Variants in USP15 observed in about 807,000 individuals in gnomAD.
The protein encoded by USP15 is ubiquitin carboxyl-terminal hydrolase 15.
USP15 carries 18 observed loss-of-function variants against 127.1 expected under a neutral mutation model. That is an observed-to-expected ratio of 0.14 (90% confidence interval 0.10 to 0.21). The LOEUF (loss-of-function observed/expected upper bound fraction) is 0.21, where lower values mean the gene tolerates loss of function less well. Ranked by LOEUF, USP15 falls within the 10% of genes least tolerant of loss-of-function variation. USP15 has a pLI of 1.00. For missense variants in USP15, 805 were observed against 1,159.9 expected, an observed-to-expected ratio of 0.69 and a Z score of 4.44; for synonymous variants, 364 against 393.7, an observed-to-expected ratio of 0.92 and a Z score of 0.89.
At chr12:62,372,478 TAA>T (rs989942374) in intron 8 of USP15, among the ~76,000 whole-genome samples, 1 of 152,144 alleles carries the variant, frequency 6.6e-6, no homozygotes. Context: ...GTTGAACAAT[TAA>T]AGTTTTTTTA....
chr12:62,270,045 C>G (rs1337749445), intron 1 of USP15, among the ~76,000 whole-genome samples: 2 of 151,554 alleles, frequency 1.3e-5, no homozygotes, highest in Admixed American at 1.3e-4. Flanking sequence ...CACTTATGTT[C>G]TTTTTTTTAA....
At position 62,391,375 on chromosome 12, in the gene USP15, A is replaced by G; in HGVS notation, c.2179A>G (p.Ile727Val). ...CTTAGGCAATACTGATATCAACTAC[A>G]TCAAAGATGATACCAGGCATATAAG... Reference protein sequence around the residue: ...NNLGNTDINYIKDDTRHIRFD... With the variant: ...NNLGNTDINYVKDDTRHIRFD... Residue 727 changes from isoleucine (I) to valine (V), a missense_variant, in exon 16 of 22, where the codon ATC (isoleucine) becomes GTC (valine). This residue lies in a region of USP15 where 225 missense variants were observed against 239.5 expected (regional missense o/e 0.94). Transcript: ENST00000280377. 2 of 1,612,966 alleles carry G rather than the reference A, an allele frequency of 1.2e-6. No individual in the cohort carries two copies. The highest frequency in any genetic ancestry group is 2.2e-5 in the East Asian group (1 of 44,784).
At position 62,410,111 on chromosome 12, in the gene USP15, T is replaced by A. The variant is rs1316394683; in HGVS notation, c.*5736T>A. The A allele has an allele frequency of 6.6e-6, 1 of 152,148 alleles. No homozygotes were observed. The highest frequency in any genetic ancestry group is 2.4e-5 in the African/African-American group (1 of 41,460). 9.4% of individuals were successfully genotyped at this position (152,148 alleles called of 1,614,324 possible). A position where few individuals can be genotyped will look rare whatever the true frequency, so the allele number is the denominator to read the frequency against. On this transcript the variant is annotated 3_prime_UTR_variant, in exon 22 of 22. Coordinates refer to ENST00000280377, the MANE Select transcript of USP15 (RefSeq NM_001252078.2). ...CTATTAAATACAGCATTTAATCTTC[T>A]TTCAAGTGAGAACCATCTTTCCATT...
intron 1 of USP15, among the ~76,000 whole-genome samples, chr12:62,286,629 G>A (rs1420944601): frequency 6.6e-6 from 1 of 152,062 alleles, no homozygotes; most frequent in Non-Finnish European, 1.5e-5. Flanking sequence ...CATCATTGAT[G>A]GATTGGATAA....
intron 6 of USP15, among the ~76,000 whole-genome samples, chr12:62,342,689 G>C (rs946077015): frequency 6.6e-6 from 1 of 152,130 alleles, no homozygotes; most frequent in Non-Finnish European, 1.5e-5. Flanking sequence ...TTTGCTGGAG[G>C]TCTACTCCAG....
intron 5 of USP15, among the ~76,000 whole-genome samples, chr12:62,323,780 T>C (rs2065054903): frequency 6.6e-6 from 1 of 152,208 alleles, no homozygotes; most frequent in Non-Finnish European, 1.5e-5. Flanking sequence ...TTTCATCGTG[T>C]ACATTAGAAA....
intron 1 of USP15, among the ~76,000 whole-genome samples, chr12:62,261,537 A>G (rs1025215465): frequency 3.3e-5 from 5 of 152,200 alleles, no homozygotes; most frequent in Admixed American, 6.5e-5. Context: ...GACCTGAGTT[A>G]TGTCACAGTT....
intron 4 of USP15, among the ~76,000 whole-genome samples, chr12:62,320,347 C>T (rs568962229): frequency 2.1e-4 from 32 of 152,258 alleles, no homozygotes; most frequent in East Asian, 7.7e-4. Context: ...TGCTTGCTTC[C>T]CCTTCGCCTT....
chr12:62,311,141 A>T lies in USP15; in HGVS notation c.349-3649A>T, dbSNP rs1048195808. On this transcript the variant is annotated intron_variant, in intron 3 of 21. Coordinates refer to ENST00000280377, the MANE Select transcript of USP15 (RefSeq NM_001252078.2). The stretch of plus-strand genomic sequence containing the variant: ...TAATCCTCTGTTGGATGAATAGCTT[A>T]TAAATATTTTCTACACTTCAACAGG... Among the ~76,000 whole-genome samples the T allele has an allele frequency of 1.4e-4, 21 of 151,932 alleles. No individual in the cohort carries two copies. The Middle Eastern group carries it at 0.02, about 148-fold the overall frequency.
At chr12:62,381,749 G>T in intron 9 of USP15, 86 bp downstream of exon 9, 1 of 1,356,890 alleles carries the variant, frequency 7.4e-7, no homozygotes, top group South Asian at 1.5e-5. Flanking sequence ...AAAAATAGTA[G>T]CTATTACAAT....
chr12:62,357,873 T>G (rs1419244853), intron 8 of USP15, among the ~76,000 whole-genome samples: 1 of 152,058 alleles, frequency 6.6e-6, no homozygotes, highest in Non-Finnish European at 1.5e-5. Flanking sequence ...ACTCCTCTAT[T>G]TCACAAAAAT....
At chr12:62,324,595 T>A (rs74910376) in intron 5 of USP15, among the ~76,000 whole-genome samples, 15 of 152,118 alleles carry the variant, frequency 9.9e-5, no homozygotes, top group Admixed American at 2.6e-4. Flanking sequence ...TGATTACTTG[T>A]CTCTAGTAGG....
intron 1 of USP15, among the ~76,000 whole-genome samples, chr12:62,285,710 A>G (rs963354027): frequency 1.3e-5 from 2 of 152,172 alleles, no homozygotes; most frequent in Non-Finnish European, 2.9e-5. Context: ...GGTTGTTTCC[A>G]TATCTTCACT....
At chr12:62,354,400 A>T (rs1462472368) in intron 7 of USP15, among the ~76,000 whole-genome samples, 1 of 151,904 alleles carries the variant, frequency 6.6e-6, no homozygotes, top group Non-Finnish European at 1.5e-5. Flanking sequence ...GAAAGATCTC[A>T]TTCAGGTTTT....
chr12:62,389,950 T>C lies in USP15; in HGVS notation c.1806T>C (p.Thr602=). 4 of 1,612,062 alleles carry C rather than the reference T, an allele frequency of 2.5e-6. No individual in the cohort carries two copies. The highest frequency in any genetic ancestry group is 3.4e-6 in the Non-Finnish European group (4 of 1,179,036). ...TTATGGCTGTACCACGAAACAATACTGAAGACAAACTTTATAATCTCCTGC... is the reference window on the plus strand; with the variant it reads ...TTATGGCTGTACCACGAAACAATACCGAAGACAAACTTTATAATCTCCTGC... ...PFLMAVPRNN[T]EDKLYNLLLL... Residue 602 remains threonine (T), a synonymous_variant, in exon 14 of 22, where the codon ACT becomes ACC. Coordinates refer to ENST00000280377, the MANE Select transcript of USP15 (RefSeq NM_001252078.2).
intron 8 of USP15, among the ~76,000 whole-genome samples, chr12:62,357,971 A>C (rs988467858): frequency 3.3e-5 from 5 of 152,130 alleles, no homozygotes; most frequent in Non-Finnish European, 7.4e-5. Flanking sequence ...CTATTTCTTC[A>C]GTATGCTTTT....
chr12:62,353,242 TA>T (rs1315313231), intron 7 of USP15, among the ~76,000 whole-genome samples: 1 of 152,034 alleles, frequency 6.6e-6, no homozygotes, highest in Non-Finnish European at 1.5e-5. Context: ...TTGTAGATAT[TA>T]TTTAGGGATT....
chr12:62,269,224 A>G (rs1477025485), intron 1 of USP15, among the ~76,000 whole-genome samples: 1 of 152,090 alleles, frequency 6.6e-6, no homozygotes, highest in African/African-American at 2.4e-5. Flanking sequence ...ATTGCCTACT[A>G]CATACCTAGG....
chr12:62,285,099 A>T (rs941712553), intron 1 of USP15, among the ~76,000 whole-genome samples: 1 of 152,152 alleles, frequency 6.6e-6, no homozygotes, highest in South Asian at 2.1e-4. Context: ...AGAGTTGATT[A>T]TACTTTCTAT....
Sources: gnomAD v4.1 joint callset for allele counts (sites outside exome capture counted in the v4.1 genomes callset) on GRCh38, gnomAD v4.1.1 for gene constraint, gnomAD v4.1.1 regional missense constraint, MANE v1.5 for transcripts, NCBI Gene and HGNC (gene_info 2026-07-23, HGNC 2026-07-21) for gene names.